LHFPL3: variants seen among roughly 807,000 people sequenced by gnomAD.
LHFPL3 encodes LHFPL tetraspan subfamily member 3.
A neutral mutation model predicts 19.3 loss-of-function variants in LHFPL3; 5 were observed. The observed-to-expected ratio is 0.26, with a 90% CI of 0.14 to 0.54. The LOEUF is 0.54. Ranked by LOEUF, LHFPL3 falls within the 20% of genes least tolerant of loss-of-function variation. LHFPL3 has a pLI of 0.94. For missense variants in LHFPL3, 249 were observed against 307.4 expected, an observed-to-expected ratio of 0.81 and a Z score of 1.42; for synonymous variants, 133 against 126.2, an observed-to-expected ratio of 1.05 and a Z score of -0.36.
chr7:104,683,761 C>A (rs1341853772), intron 1 of LHFPL3, among the ~76,000 whole-genome samples: 2 of 152,114 alleles, frequency 1.3e-5, no homozygotes, highest in African/African-American at 4.8e-5. Context: ...ATAAAAACAA[C>A]AATCAAAATT....
At chr7:104,389,106 C>A (rs528085236) in intron 1 of LHFPL3, among the ~76,000 whole-genome samples, 1 of 152,180 alleles carries the variant, frequency 6.6e-6, no homozygotes, top group African/African-American at 2.4e-5. Context: ...ACATGTCCTT[C>A]CATATAGAAA....
intron 1 of LHFPL3, among the ~76,000 whole-genome samples, chr7:104,522,374 C>T (rs1378444876): frequency 1.0e-5 from 1 of 98,032 alleles, no homozygotes; most frequent in East Asian, 2.9e-4. Flanking sequence ...ACATCACACT[C>T]TGGGGACTGT....
At chr7:104,345,662 A>G (rs752330795) in intron 1 of LHFPL3, among the ~76,000 whole-genome samples, 11 of 152,216 alleles carry the variant, frequency 7.2e-5, no homozygotes, top group Non-Finnish European at 1.0e-4. Context: ...CAAATTACAT[A>G]TACTTGATAT....
chr7:104,754,734 G>T (rs1041666205), intron 2 of LHFPL3, among the ~76,000 whole-genome samples: 1 of 152,176 alleles, frequency 6.6e-6, no homozygotes, highest in Non-Finnish European at 1.5e-5. Flanking sequence ...AGGAAATAAG[G>T]GTTGGGAAAA....
At chr7:104,722,599 T>C (rs1793508619) in intron 1 of LHFPL3, among the ~76,000 whole-genome samples, 1 of 152,188 alleles carries the variant, frequency 6.6e-6, no homozygotes. Context: ...TTATACTTTT[T>C]CTAGAGGTAT....
rs1459009308 is a variant in LHFPL3, at chr7:104,430,377, TATATACATATATATATATATATATATAC to T, written c.445+101159_445+101186del. On this transcript the variant is annotated intron_variant, in intron 1 of 2. Coordinates refer to ENST00000424859, the MANE Select transcript of LHFPL3 (RefSeq NM_199000.3). ...AAATTTGCATTTCTGTGGGTATATATATATACATATATATATATATATATATACATATATATATATACATATATATATA... is the reference window on the plus strand; with the variant it reads ...AAATTTGCATTTCTGTGGGTATATATATATATATATATACATATATATATA... Among the ~76,000 whole-genome samples, 153 of 53,546 alleles carry T rather than the reference TATATACATATATATATATATATATATAC, an allele frequency of 2.9e-3. 6 individuals carry two copies. Among genetic ancestry groups the T allele is most frequent in the East Asian group, 0.018 (41 of 2,336 alleles). 35.1% of individuals were successfully genotyped at this position (53,546 alleles called of 152,430 possible). A position where few individuals can be genotyped will look rare whatever the true frequency, so the allele number is the denominator to read the frequency against.
chr7:104,806,146 C>A (rs188811254), intron 2 of LHFPL3, among the ~76,000 whole-genome samples: 4 of 152,282 alleles, frequency 2.6e-5, no homozygotes, highest in African/African-American at 9.6e-5. Flanking sequence ...AGTTTTCAGA[C>A]AGAGAACAAG....
At chr7:104,451,802 T>C (rs1419972131) in intron 1 of LHFPL3, among the ~76,000 whole-genome samples, 1 of 152,128 alleles carries the variant, frequency 6.6e-6, no homozygotes, top group African/African-American at 2.4e-5. Flanking sequence ...TGGAGTGCAG[T>C]GGCATGATCT....
At chr7:104,347,547 T>A (rs1181605567) in intron 1 of LHFPL3, among the ~76,000 whole-genome samples, 2 of 152,158 alleles carry the variant, frequency 1.3e-5, no homozygotes, top group African/African-American at 2.4e-5. Context: ...ACAGGGACCA[T>A]CGCTGTTTTA....
At chr7:104,582,174 T>A (rs1461808890) in intron 1 of LHFPL3, among the ~76,000 whole-genome samples, 1 of 151,934 alleles carries the variant, frequency 6.6e-6, no homozygotes, top group Non-Finnish European at 1.5e-5. Context: ...TACATCTTTT[T>A]AAAATTTATT....
intron 2 of LHFPL3, among the ~76,000 whole-genome samples, chr7:104,880,840 G>A (rs185743934): frequency 2.0e-4 from 31 of 152,266 alleles, no homozygotes; most frequent in African/African-American, 7.0e-4. Flanking sequence ...ATGGATCAAG[G>A]AGAGTAATTT....
intron 1 of LHFPL3, among the ~76,000 whole-genome samples, chr7:104,709,614 T>C (rs1308942393): frequency 6.7e-6 from 1 of 150,170 alleles, no homozygotes; most frequent in African/African-American, 2.4e-5. Context: ...CAAAATGGAG[T>C]CTCCCATGTC....
chr7:104,549,461 AC>A (rs1794629535), intron 1 of LHFPL3, among the ~76,000 whole-genome samples: 1 of 146,772 alleles, frequency 6.8e-6, no homozygotes, highest in Non-Finnish European at 1.5e-5. Context: ...ACACACACAC[AC>A]ACACACACAC....
intron 1 of LHFPL3, among the ~76,000 whole-genome samples, chr7:104,678,439 G>A (rs1029888051): frequency 1.3e-5 from 2 of 152,118 alleles, no homozygotes; most frequent in Non-Finnish European, 2.9e-5. Flanking sequence ...CCACTTAAAA[G>A]GAAGAGGGAA....
chr7:104,657,714 C>A (rs902345236), intron 1 of LHFPL3, among the ~76,000 whole-genome samples: 4 of 152,284 alleles, frequency 2.6e-5, no homozygotes, highest in Admixed American at 6.5e-5. Flanking sequence ...TCATTCTCCC[C>A]ATGCATCTAT....
At chr7:104,769,554 A>G (rs1356489251) in intron 2 of LHFPL3, among the ~76,000 whole-genome samples, 1 of 152,072 alleles carries the variant, frequency 6.6e-6, no homozygotes, top group Non-Finnish European at 1.5e-5. Flanking sequence ...GGTTTGCTGC[A>G]CCCATCAACC....
In LHFPL3 at chr7:104,551,474, T is replaced by A. The variant is rs551470217; in HGVS notation, c.446-185201T>A. Among the ~76,000 whole-genome samples, 15 of 152,276 alleles carry A rather than the reference T, an allele frequency of 9.9e-5. No individual in the cohort carries two copies. The South Asian group carries it at 3.1e-3, about 32-fold the overall frequency. On this transcript the variant is annotated intron_variant, in intron 1 of 2. Coordinates refer to ENST00000424859, the MANE Select transcript of LHFPL3 (RefSeq NM_199000.3). Reference sequence around the variant, plus strand: ...CTTAGGAACATGAACTCTTCCCTTTTTTTCTGCCCTTCCACCCCTCCCTTG... The same window carrying A: ...CTTAGGAACATGAACTCTTCCCTTTATTTCTGCCCTTCCACCCCTCCCTTG...
chr7:104,843,471 C>T (rs748452894), intron 2 of LHFPL3, among the ~76,000 whole-genome samples: 1 of 152,214 alleles, frequency 6.6e-6, no homozygotes, highest in Non-Finnish European at 1.5e-5. Context: ...ATGTGTTCCT[C>T]AACATTCTTC....
At chr7:104,743,162 C>A (rs74301021) in intron 2 of LHFPL3, among the ~76,000 whole-genome samples, 1 of 152,158 alleles carries the variant, frequency 6.6e-6, no homozygotes, top group Middle Eastern at 3.4e-3. Context: ...GGGGAAGGGG[C>A]TCTAGGATGC....
Sources: gnomAD v4.1 joint callset for allele counts (sites outside exome capture counted in the v4.1 genomes callset) on GRCh38, gnomAD v4.1.1 for gene constraint, MANE v1.5 for transcripts, NCBI Gene and HGNC (gene_info 2026-07-23, HGNC 2026-07-21) for gene names.